The following SAMD11 variants were observed in gnomAD, a reference collection of about 807,000 sequenced individuals.
The protein encoded by SAMD11 is sterile alpha motif domain containing 11.
SAMD11 carries 77 observed loss-of-function variants against 64.4 expected under a neutral mutation model. The observed-to-expected ratio is 1.20, with a 90% CI of 0.99 to 1.44. The LOEUF (loss-of-function observed/expected upper bound fraction) is 1.44. Among genes scored for constraint, SAMD11 ranks in the 40% most tolerant of loss-of-function variants. SAMD11 has a pLI of 0.00. For synonymous variants in SAMD11, 658 were observed against 421.9 expected (o/e 1.56, Z -6.86); for missense variants, 1,402 against 943.3 (o/e 1.49, Z -6.37).
rs758278177 is a variant in SAMD11 at position 943,304 on chromosome 1, A to T, written c.2105A>T (p.Asp702Val). 2 of 1,612,378 alleles carry T rather than the reference A, an allele frequency of 1.2e-6. No individual in the cohort carries two copies. Among genetic ancestry groups the T allele is most frequent in the Admixed American group, 3.3e-5 (2 of 59,952 alleles). ...MDGEEAPAPE[D>V]VTKWTVDDVC... The stretch of plus-strand genomic sequence containing the variant: ...GGGGAGGAGGCCCCAGCCCCTGAGG[A>T]CGTCACCAAGTGGACCGTGGATGAC... Residue 702 changes from aspartate to valine, a missense_variant, in exon 12 of 14, where the codon GAC (aspartate) becomes GTC (valine). Transcript: ENST00000616016.
chr1:942,217 C>G lies in SAMD11; in HGVS notation c.1440C>G (p.Phe480Leu). 1 of 1,358,436 alleles carries G rather than the reference C, an allele frequency of 7.4e-7. No individual in the cohort carries two copies. The highest frequency in any genetic ancestry group is 2.8e-5 in the East Asian group (1 of 35,390). The allele number at this position is 1,358,436 out of a possible 1,614,324, so 84.1% of individuals were successfully genotyped here. A position where few individuals can be genotyped will look rare whatever the true frequency, so the allele number is the denominator to read the frequency against. Residue 480 changes from phenylalanine (F) to leucine (L), a missense_variant, in exon 9 of 14, where the codon TTC becomes TTG. By Grantham distance (22) the Phe-to-Leu change is conservative. Transcript: ENST00000616016. ...VALGPHLRPP[F>L]LGVPSALCQT... ...TGGGCCCCCATCTCAGGCCCCCCTT[C>G]CTGGGGGTGCCCTCGGCTCTGTGCC...
At position 936,472 on chromosome 1, in the gene SAMD11, C is replaced by T. The variant is rs556119263; in HGVS notation, c.967+576C>T. Among the ~76,000 whole-genome samples the T allele has an allele frequency of 3.9e-5, 6 of 152,128 alleles. No individual in the cohort carries two copies. In the East Asian group the frequency reaches 5.8e-4, roughly 15 times the overall value. ...AGGGCTCCGGGAAGGATGGGGTTCT[C>T]GGGAGGGAAGGGATCCGGCGCCTGA... On this transcript the variant is annotated intron_variant, in intron 5 of 13. Coordinates refer to ENST00000616016, the MANE Select transcript of SAMD11 (RefSeq NM_001385641.1).
rs1313825579 is a variant in SAMD11, at chr1:936,004, G to A, written c.967+108G>A. On this transcript the variant is annotated intron_variant, in intron 5 of 13. Transcript: ENST00000616016. ...TTGGCAGGCAGCCAGAGAGGCAGGA[G>A]GAGCGGCCTGTCCCCCAGGGGCTGC... 5.1e-6 allele frequency: 6 copies of A among 1,183,562 alleles called. No homozygotes were observed. In the Admixed American group the frequency reaches 6.5e-5, roughly 13 times the overall value. 73.3% of individuals were successfully genotyped at this position (1,183,562 alleles called of 1,614,324 possible).
In SAMD11 at chr1:942,824, C is replaced by T; in HGVS notation, c.1819C>T (p.Pro607Ser). 2 of 1,549,112 alleles carry T rather than the reference C, an allele frequency of 1.3e-6. No homozygotes were observed. Among genetic ancestry groups the T allele is most frequent in the South Asian group, 1.2e-5 (1 of 83,984 alleles). ...GGGTCCCGGCCCTGCCTCAGCGCGG[C>T]CCAGCGAGTCCAAGGAGATGACGGG... The part of the protein sequence containing the change: ...KGGPGPASAR[P>S]SESKEMTGAR... The change falls in exon 11 of 14, where the codon CCC becomes TCC. Residue 607 changes from proline to serine, a missense_variant. Coordinates refer to ENST00000616016, the MANE Select transcript of SAMD11 (RefSeq NM_001385641.1).
intron 8 of SAMD11, 114 bp downstream of exon 8, chr1:941,420 T>A: frequency 2.7e-6 from 3 of 1,127,182 alleles, no homozygotes; most frequent in Non-Finnish European, 3.7e-6. Context: ...AGCTCTAGGT[T>A]CGGGTCCGGG....
At chr1:929,568 T>C (rs949840516) in intron 2 of SAMD11, among the ~76,000 whole-genome samples, 1 of 151,850 alleles carries the variant, frequency 6.6e-6, no homozygotes, top group Non-Finnish European at 1.5e-5. Context: ...GGTGGCAGGG[T>C]GTGGTGGGCA....
chr1:933,356 CA>C (rs1026405920), intron 4 of SAMD11, among the ~76,000 whole-genome samples: 3 of 152,314 alleles, frequency 2.0e-5, no homozygotes, highest in Admixed American at 1.3e-4. Context: ...AGGCAGAGAC[CA>C]GGGGCGGGGA....
chr1:931,041 T>A lies in SAMD11; in HGVS notation c.794T>A (p.Val265Asp), dbSNP rs138703951. The A allele has an allele frequency of 7.1e-5, 114 of 1,612,708 alleles. No individual in the cohort carries two copies. The highest frequency in any genetic ancestry group is 9.2e-5 in the Non-Finnish European group (109 of 1,179,622). ...GPHIRIMKRR[V>D]HTHWDVNISF... ...ACCTTCTGCTTCCCTTCCTGCAGAGTCCACACCCACTGGGACGTGAACATC... is the reference window on the plus strand; with the variant it reads ...ACCTTCTGCTTCCCTTCCTGCAGAGACCACACCCACTGGGACGTGAACATC... Residue 265 changes from valine (V) to aspartate (D), a missense_variant and splice_region_variant, in exon 4 of 14, where the codon GTC (valine) becomes GAC (aspartate). Val to Asp is a radical substitution (Grantham distance 152, BLOSUM62 -3). Coordinates refer to ENST00000616016, the MANE Select transcript of SAMD11 (RefSeq NM_001385641.1).
chr1:940,828 G>T (rs775572186), intron 7 of SAMD11, among the ~76,000 whole-genome samples: 1 of 152,142 alleles, frequency 6.6e-6, no homozygotes, highest in Non-Finnish European at 1.5e-5. Flanking sequence ...TCGCTGCCCC[G>T]CAGGCTCTGT....
intron 2 of SAMD11, 49 bp from the exon 3 acceptor site, chr1:930,106 C>T (rs748060990): frequency 1.1e-4 from 174 of 1,525,764 alleles, no homozygotes; most frequent in East Asian, 2.4e-5. Context: ...TCCTCCTGCC[C>T]CACCTTCCTC....
Position 942,201 on chromosome 1 carries a change from A to G in SAMD11, c.1424A>G (p.His475Arg), listed in dbSNP as rs774231202. Residue 475 changes from histidine to arginine, a missense_variant, in exon 9 of 14, where the codon CAT becomes CGT. His to Arg is a conservative substitution (Grantham distance 29). Coordinates refer to ENST00000616016, the MANE Select transcript of SAMD11 (RefSeq NM_001385641.1). ...QNAPHVALGP[H>R]LRPPFLGVPS... is the part of the protein sequence containing the mutation. ...GCCCCTCACGTCGCCCTGGGCCCCCATCTCAGGCCCCCCTTCCTGGGGGTG... is the reference window on the plus strand; with the variant it reads ...GCCCCTCACGTCGCCCTGGGCCCCCGTCTCAGGCCCCCCTTCCTGGGGGTG... 7 of 1,371,214 alleles carry G rather than the reference A, an allele frequency of 5.1e-6. 1 individual carries two copies. The South Asian group carries it at 1.0e-4, about 20-fold the overall frequency. 84.9% of individuals were successfully genotyped at this position (1,371,214 alleles called of 1,614,324 possible).
intron 2 of SAMD11, 73 bp from the exon 3 acceptor site, chr1:930,082 G>A: frequency 6.8e-7 from 1 of 1,480,314 alleles, no homozygotes; most frequent in Non-Finnish European, 9.1e-7. Context: ...GCCCGGTCCA[G>A]CCCCACCTTC....
chr1:928,253 G>T (rs544004738), intron 2 of SAMD11, among the ~76,000 whole-genome samples: 3 of 152,210 alleles, frequency 2.0e-5, no homozygotes, highest in Admixed American at 1.3e-4. Context: ...TTAGCCGGGC[G>T]TGGTGGCGGG....
rs1281871209 is a variant in SAMD11, at chr1:939,027, T to C, written c.968-13T>C. The C allele has an allele frequency of 6.3e-7, 1 of 1,586,710 alleles. No homozygotes were observed. The highest frequency in any genetic ancestry group is 2.3e-5 in the East Asian group (1 of 43,964). The stretch of plus-strand genomic sequence containing the variant: ...CCTTGAGATGCAGGTGGGCACTCAC[T>C]ACCCTCCCGCAGGTGACCTGTTGGG... On this transcript the variant is annotated splice_polypyrimidine_tract_variant and intron_variant, in intron 5 of 13. Transcript: ENST00000616016.
chr1:925,900 TC>T, intron 1 of SAMD11, 21 bp from the exon 2 acceptor site: 1 of 1,564,934 alleles, frequency 6.4e-7, no homozygotes, highest in Non-Finnish European at 8.8e-7. Flanking sequence ...CCTCACAGGG[TC>T]TGCCTCGGCT....
intron 2 of SAMD11, among the ~76,000 whole-genome samples, chr1:926,630 A>G (rs1640904415): frequency 6.6e-6 from 1 of 152,148 alleles, no homozygotes; most frequent in African/African-American, 2.4e-5. Flanking sequence ...GTAGACAGCT[A>G]TGGACACCCT....
chr1:943,110 C>T (rs765784620), intron 11 of SAMD11, 52 bp downstream of exon 11: 13 of 1,553,722 alleles, frequency 8.4e-6, no homozygotes, highest in Middle Eastern at 1.7e-4. Context: ...ACTGGCAGGC[C>T]GCCTGTGGAA....
Position 928,354 on chromosome 1 carries a change from C to T in SAMD11, c.610-1801C>T, listed in dbSNP as rs552151876. On this transcript the variant is annotated intron_variant, in intron 2 of 13. Coordinates refer to ENST00000616016, the MANE Select transcript of SAMD11 (RefSeq NM_001385641.1). ...TTGCAGTGAGCCCAGATTGTGCCAC[C>T]GCACTCCAGCCTGGGCAACAGAGTG... 4.1e-4 allele frequency among the ~76,000 whole-genome samples: 63 copies of T among 152,276 alleles called. 2 individuals carry two copies. The highest frequency in any genetic ancestry group is 1.2e-3 in the Admixed American group (19 of 15,300).
rs1032214847 is a variant in SAMD11 at position 943,299 on chromosome 1, T to G, written c.2100T>G (p.Pro700=). The change falls in exon 12 of 14, where the codon CCT becomes CCG. Residue 700 remains proline, a synonymous_variant. Coordinates refer to ENST00000616016, the MANE Select transcript of SAMD11 (RefSeq NM_001385641.1). Reference sequence around the variant, plus strand: ...TGGATGGGGAGGAGGCCCCAGCCCCTGAGGACGTCACCAAGTGGACCGTGG... The same window carrying G: ...TGGATGGGGAGGAGGCCCCAGCCCCGGAGGACGTCACCAAGTGGACCGTGG... The part of the protein sequence containing the change: ...LSMDGEEAPA[P]EDVTKWTVDD... 1.9e-6 allele frequency: 3 copies of G among 1,612,290 alleles called. No homozygotes were observed. The African/African-American group carries it at 4.0e-5, about 22-fold the overall frequency.
Sources: allele counts gnomAD v4.1 joint callset (sites outside exome capture counted in the v4.1 genomes callset), GRCh38; gene constraint gnomAD v4.1.1; transcripts MANE v1.5; gene names NCBI Gene and HGNC (gene_info 2026-07-23, HGNC 2026-07-21).